Variants in CNOT8 observed in about 807,000 individuals in gnomAD.
The protein encoded by CNOT8 is CAF1-like protein.
In CNOT8, 18 loss-of-function variants were observed where a neutral mutation model predicts 34.6. That is an observed-to-expected ratio of 0.52 (90% CI 0.36 to 0.77). The LOEUF (loss-of-function observed/expected upper bound fraction) is 0.77, where lower values mean the gene tolerates loss of function less well. Among genes scored for constraint, CNOT8 ranks in the 30% least tolerant of loss-of-function variants. The probability of loss-of-function intolerance (pLI) is 0.00; values close to 1 mark genes in which losing one functional copy is unlikely to be tolerated. For missense variants in CNOT8, 189 were observed against 347.9 expected (o/e 0.54, Z 3.63); for synonymous variants, 101 against 118.8 (o/e 0.85, Z 0.98).
rs191995580 is a variant in CNOT8 at position 154,868,635 on chromosome 5, G to A, written c.312-2026G>A. 8.8e-4 allele frequency among the ~76,000 whole-genome samples: 134 copies of A among 152,228 alleles called. 2 individuals carry two copies. The highest frequency in any genetic ancestry group is 3.4e-3 in the Middle Eastern group (1 of 294). On this transcript the variant is annotated intron_variant, in intron 3 of 6. Transcript: ENST00000285896. ...TATGTTCCCTGAGGGCATCTAAAAC[G>A]CCAGTTCATGGAACAGGCACTTCTT... is the stretch of plus-strand genomic sequence containing the variant.
intron 1 of CNOT8, 60 bp downstream of exon 1, chr5:154,858,828 T>C (rs1302064203): frequency 2.0e-5 from 3 of 149,908 alleles, no homozygotes; most frequent in Admixed American, 1.3e-4. Context: ...TGAGAGACCA[T>C]TGGGGGTCTG....
intron 2 of CNOT8, among the ~76,000 whole-genome samples, chr5:154,863,709 C>T (rs969456184): frequency 6.6e-6 from 1 of 152,160 alleles, no homozygotes; most frequent in African/African-American, 2.4e-5. Flanking sequence ...GGTTGTGTTG[C>T]TTCATGAAAT....
chr5:154,859,856 C>T (rs1307940713), intron 1 of CNOT8: 1 of 152,228 alleles, frequency 6.6e-6, no homozygotes, highest in Non-Finnish European at 1.5e-5. Context: ...AGAGCAGGGA[C>T]TTCAGTAATT....
chr5:154,873,767 C>G (rs1482796884), intron 6 of CNOT8, among the ~76,000 whole-genome samples: 1 of 152,102 alleles, frequency 6.6e-6, no homozygotes, highest in Non-Finnish European at 1.5e-5. Flanking sequence ...ACAACTGTTA[C>G]CATGTGTTGG....
Position 154,875,343 on chromosome 5 carries a change from C to T in CNOT8, c.783C>T (p.Gly261=), listed in dbSNP as rs374156365. 8.7e-6 allele frequency: 14 copies of T among 1,614,002 alleles called. No homozygotes were observed. In the African/African-American group the frequency reaches 1.6e-4, roughly 18 times the overall value. ...DDAKYCGRLY[G]LGTGVAQKQN... The stretch of plus-strand genomic sequence containing the variant: ...CCAAGTACTGTGGGCGGCTCTATGG[C>T]TTAGGCACAGGAGTGGCCCAGAAGC... The change falls in exon 7 of 7, where the codon GGC becomes GGT. Residue 261 remains glycine, a synonymous_variant. Transcript: ENST00000285896.
At chr5:154,863,080 A>G (rs1234986585) in intron 1 of CNOT8, 127 bp from the exon 2 acceptor site, 4 of 497,858 alleles carry the variant, frequency 8.0e-6, no homozygotes, top group Non-Finnish European at 1.5e-5. Context: ...TATAAAATGG[A>G]GAATAAATAT....
intron 3 of CNOT8, among the ~76,000 whole-genome samples, chr5:154,866,067 G>A (rs1761835565): frequency 6.6e-6 from 1 of 152,204 alleles, no homozygotes; most frequent in African/African-American, 2.4e-5. Context: ...CGGGGAGACT[G>A]TCATTTTGCT....
intron 3 of CNOT8, among the ~76,000 whole-genome samples, chr5:154,868,758 A>G (rs1361674035): frequency 6.6e-6 from 1 of 152,210 alleles, no homozygotes; most frequent in Non-Finnish European, 1.5e-5. Context: ...TTCTGCCAGA[A>G]GTAGGTCTGG....
chr5:154,868,811 C>T (rs1762175393), intron 3 of CNOT8, among the ~76,000 whole-genome samples: 1 of 152,216 alleles, frequency 6.6e-6, no homozygotes, highest in Non-Finnish European at 1.5e-5. Flanking sequence ...TTGAGTGCTG[C>T]AGCTACTGGG....
chr5:154,872,091 C>T (rs1762530801), intron 5 of CNOT8, among the ~76,000 whole-genome samples: 1 of 152,156 alleles, frequency 6.6e-6, no homozygotes, highest in Admixed American at 6.5e-5. Context: ...CATCTTAAGG[C>T]AGGCATTCTT....
chr5:154,863,066 A>G, intron 1 of CNOT8, 141 bp from the exon 2 acceptor site: 2 of 459,332 alleles, frequency 4.4e-6, no homozygotes, highest in Non-Finnish European at 8.0e-6. Flanking sequence ...AAGTTTCTCC[A>G]TCATATAAAA....
chr5:154,860,251 A>C (rs1401544637), intron 1 of CNOT8, among the ~76,000 whole-genome samples: 2 of 152,172 alleles, frequency 1.3e-5, no homozygotes, highest in Admixed American at 6.5e-5. Context: ...ATTTTGGAGC[A>C]TGTGCTTACA....
chr5:154,858,446 G>C (rs1024050938), upstream of CNOT8: 1 of 152,272 alleles, frequency 6.6e-6, no homozygotes, highest in Non-Finnish European at 1.5e-5. Context: ...GAACACGCAC[G>C]GAGTCGCAGG....
rs901380942 is a variant in CNOT8, at chr5:154,875,414, C to A, written c.854C>A (p.Ala285Glu). The A allele has an allele frequency of 6.2e-7, 1 of 1,613,740 alleles. No individual in the cohort carries two copies. The highest frequency in any genetic ancestry group is 8.5e-7 in the Non-Finnish European group (1 of 1,179,984). The change falls in exon 7 of 7, where the codon GCG becomes GAG. Residue 285 changes from alanine to glutamate, a missense_variant. Physicochemically the swap from Ala to Glu is moderately radical, Grantham distance 107 (BLOSUM62 -1). This residue lies in a region of CNOT8 where 29 missense variants were observed against 26.1 expected (regional missense o/e 1.11). Transcript: ENST00000285896. ...DSAQEKMSIL[A>E]IINNMQQ Reference sequence around the variant, plus strand: ...GCCCAGGAGAAGATGAGCATCCTGGCGATTATCAACAACATGCAGCAGTGA... The same window carrying A: ...GCCCAGGAGAAGATGAGCATCCTGGAGATTATCAACAACATGCAGCAGTGA...
chr5:154,863,816 C>T lies in CNOT8; in HGVS notation c.117+421C>T, dbSNP rs143554656. Among the ~76,000 whole-genome samples, 443 of 152,226 alleles carry T rather than the reference C, an allele frequency of 2.9e-3. 2 individuals carry two copies. Among genetic ancestry groups the T allele is most frequent in the African/African-American group, 0.01 (427 of 41,524 alleles). On this transcript the variant is annotated intron_variant, in intron 2 of 6. Transcript: ENST00000285896. ...TTGAAAGTCTTTAAAGCAGAAGTTA[C>T]GTCATCCCCTAGGGCCCAGCTGTTC...
At position 154,858,946 on chromosome 5, in the gene CNOT8, C is replaced by G. The variant is rs1255843074; in HGVS notation, c.-73+178C>G. 5 of 152,224 alleles carry G rather than the reference C, an allele frequency of 3.3e-5. No individual in the cohort carries two copies. The East Asian group carries it at 9.7e-4, about 29-fold the overall frequency. The allele number at this position is 152,224 out of a possible 1,614,324, so 9.4% of individuals were successfully genotyped here. On this transcript the variant is annotated intron_variant, in intron 1 of 6. Transcript: ENST00000285896. ...ATGGCCACCGTCACACGATAATATT[C>G]GAGTAATATGTGCGGGGACTTTACA... is the stretch of plus-strand genomic sequence containing the variant.
intron 1 of CNOT8, chr5:154,859,205 CAGA>C (rs1761090225): frequency 6.6e-6 from 1 of 152,136 alleles, no homozygotes; most frequent in Non-Finnish European, 1.5e-5. Context: ...AATGGCGTGT[CAGA>C]AGGAGGAGGA....
chr5:154,872,571 G>T lies in CNOT8; in HGVS notation c.649G>T (p.Asp217Tyr). The T allele has an allele frequency of 6.2e-7, 1 of 1,612,924 alleles. No individual in the cohort carries two copies. The highest frequency in any genetic ancestry group is 8.5e-7 in the Non-Finnish European group (1 of 1,179,452). Residue 217 changes from aspartate (D) to tyrosine (Y), a missense_variant, in exon 6 of 7, where the codon GAT becomes TAT. Asp to Tyr is a radical substitution (Grantham distance 160, BLOSUM62 -3). Coordinates refer to ENST00000285896, the MANE Select transcript of CNOT8 (RefSeq NM_001301073.2). ...TCTTCAGGAAGTTGCTGATCAGTTG[G>T]ATTTGCAGAGGATTGGAAGGCAGCA... is the stretch of plus-strand genomic sequence containing the variant. Reference protein sequence around the residue: ...GGLQEVADQLDLQRIGRQHQA... With the variant: ...GGLQEVADQLYLQRIGRQHQA...
chr5:154,860,969 C>G (rs540571770), intron 1 of CNOT8, among the ~76,000 whole-genome samples: 2 of 152,222 alleles, frequency 1.3e-5, no homozygotes, highest in African/African-American at 4.8e-5. Context: ...CTCTCAAAAA[C>G]TCAGGAGTGA....
Sources: gnomAD v4.1 joint callset for allele counts (sites outside exome capture counted in the v4.1 genomes callset) on GRCh38, gnomAD v4.1.1 for gene constraint, gnomAD v4.1.1 regional missense constraint, MANE v1.5 for transcripts, NCBI Gene and HGNC (gene_info 2026-07-23, HGNC 2026-07-21) for gene names.